The following HSD17B4 variants were observed in gnomAD, a reference collection of about 807,000 sequenced individuals.
HSD17B4 encodes hydroxysteroid 17-beta dehydrogenase 4.
HSD17B4 carries 70 observed loss-of-function variants against 101.0 expected under a neutral mutation model. That is an observed-to-expected ratio of 0.69 (90% CI 0.57 to 0.85). HSD17B4 has a LOEUF of 0.85. Among genes scored for constraint, HSD17B4 ranks in the 40% least tolerant of loss-of-function variants. The pLI is 0.00. For synonymous variants in HSD17B4, 347 were observed against 297.1 expected (o/e 1.17, Z -1.73); for missense variants, 984 against 892.4 (o/e 1.10, Z -1.31).
At chr5:119,521,305 C>T (rs1001583615) in intron 17 of HSD17B4, among the ~76,000 whole-genome samples, 17 of 152,162 alleles carry the variant, frequency 1.1e-4, no homozygotes, top group Non-Finnish European at 2.4e-4. Flanking sequence ...CTGAGGCCCT[C>T]AAGATTATTT....
chr5:119,531,240 A>T (rs766517754), intron 21 of HSD17B4, 26 bp from the exon 22 acceptor site: 1 of 1,611,460 alleles, frequency 6.2e-7, no homozygotes. Flanking sequence ...CAGAACTTTT[A>T]AAGTTTATTT....
chr5:119,517,208 C>T (rs1260750648), intron 17 of HSD17B4, among the ~76,000 whole-genome samples: 3 of 152,196 alleles, frequency 2.0e-5, no homozygotes, highest in Admixed American at 6.5e-5. Context: ...AGCAGCTGGC[C>T]GGCCCTGCTG....
chr5:119,491,210 T>C (rs886267584), intron 9 of HSD17B4, among the ~76,000 whole-genome samples: 1 of 152,178 alleles, frequency 6.6e-6, no homozygotes, highest in African/African-American at 2.4e-5. Flanking sequence ...TTGCCTGTTA[T>C]CAAAACCACT....
chr5:119,511,643 G>T (rs139509423), intron 16 of HSD17B4, among the ~76,000 whole-genome samples: 16 of 151,992 alleles, frequency 1.1e-4, no homozygotes, highest in African/African-American at 3.9e-4. Context: ...CAGTGTCATC[G>T]TAGGGTGACT....
chr5:119,457,965 A>G (rs1754838566), intron 2 of HSD17B4, among the ~76,000 whole-genome samples: 1 of 152,324 alleles, frequency 6.6e-6, no homozygotes, highest in East Asian at 1.9e-4. Context: ...ATTTTATAAC[A>G]GTGTGTTCCT....
intron 19 of HSD17B4, among the ~76,000 whole-genome samples, chr5:119,526,303 C>T (rs1380320730): frequency 2.5e-5 from 2 of 80,710 alleles, no homozygotes; most frequent in South Asian, 3.8e-4. Flanking sequence ...TATATCAGTA[C>T]GTATGCCTTG....
At chr5:119,455,950 A>G (rs13361193) in intron 1 of HSD17B4, among the ~76,000 whole-genome samples, 8,766 of 152,132 alleles carry the variant, frequency 0.058, 742 homozygotes, top group East Asian at 0.42. Flanking sequence ...GGAACTTTCA[A>G]GAAAACTAGC....
At chr5:119,504,146 A>G (rs1220695004) in intron 14 of HSD17B4, among the ~76,000 whole-genome samples, 1 of 152,144 alleles carries the variant, frequency 6.6e-6, no homozygotes, top group Non-Finnish European at 1.5e-5. Flanking sequence ...ATTCCATGGT[A>G]TATATGTACC....
At chr5:119,519,135 C>G (rs1752896348) in intron 17 of HSD17B4, among the ~76,000 whole-genome samples, 1 of 152,136 alleles carries the variant, frequency 6.6e-6, no homozygotes, top group Non-Finnish European at 1.5e-5. Context: ...AAGACCCTGT[C>G]TCAAAACAAA....
intron 17 of HSD17B4, among the ~76,000 whole-genome samples, chr5:119,517,705 T>C (rs1047898935): frequency 4.6e-5 from 7 of 152,176 alleles, no homozygotes; most frequent in African/African-American, 1.7e-4. Flanking sequence ...AATGCACCAG[T>C]GGACACTCTG....
In HSD17B4 at chr5:119,461,956, G is replaced by A. The variant is rs184102642; in HGVS notation, c.112+5588G>A. On this transcript the variant is annotated intron_variant, in intron 2 of 23. Transcript: ENST00000510025. Reference sequence around the variant, plus strand: ...ACGTATTTGACAAAATTTTGGGAATGCTTTTTAGGAAAAATCTTCTGTAGT... The same window carrying A: ...ACGTATTTGACAAAATTTTGGGAATACTTTTTAGGAAAAATCTTCTGTAGT... Among the ~76,000 whole-genome samples, 39 of 152,172 alleles carry A rather than the reference G, an allele frequency of 2.6e-4. No individual in the cohort carries two copies. In the East Asian group the frequency reaches 2.7e-3, roughly 11 times the overall value.
chr5:119,525,114 T>C (rs1481814289), intron 17 of HSD17B4, 102 bp from the exon 18 acceptor site: 3 of 757,764 alleles, frequency 4.0e-6, no homozygotes, highest in Non-Finnish European at 7.1e-6. Flanking sequence ...AGGTACATTA[T>C]GATACAATGC....
At chr5:119,508,349 G>A (rs907765395) in intron 15 of HSD17B4, among the ~76,000 whole-genome samples, 1 of 152,152 alleles carries the variant, frequency 6.6e-6, no homozygotes, top group African/African-American at 2.4e-5. Context: ...TGTAGACAAA[G>A]TGAAATTGGT....
At chr5:119,539,085 A>G (rs973220720) in intron 23 of HSD17B4, among the ~76,000 whole-genome samples, 1 of 152,184 alleles carries the variant, frequency 6.6e-6, no homozygotes, top group African/African-American at 2.4e-5. Context: ...GTCAGACTCT[A>G]TAGTATATTT....
chr5:119,503,623 A>G (rs1322447581), intron 14 of HSD17B4, among the ~76,000 whole-genome samples: 1 of 152,132 alleles, frequency 6.6e-6, no homozygotes, highest in Non-Finnish European at 1.5e-5. Flanking sequence ...TGATAACAAC[A>G]TCTCTTAATG....
At chr5:119,518,983 A>T (rs115985037) in intron 17 of HSD17B4, among the ~76,000 whole-genome samples, 2,949 of 152,036 alleles carry the variant, frequency 0.019, 106 homozygotes, top group African/African-American at 0.067. Context: ...TAATAATAAT[A>T]AAAAAATTAG....
chr5:119,459,418 G>T (rs540370509), intron 2 of HSD17B4, among the ~76,000 whole-genome samples: 19 of 152,268 alleles, frequency 1.2e-4, no homozygotes, highest in African/African-American at 3.9e-4. Flanking sequence ...CAAAGTGAAG[G>T]TCTTGTTGAC....
Position 119,530,445 on chromosome 5 carries a change from C to T in HSD17B4, c.1854+465C>T, listed in dbSNP as rs565190103. Reference sequence around the variant, plus strand: ...TTTGATAAAAATGTTTATATTCTATCTCTGAAATATTAACTTTGTAATGTT... The same window carrying T: ...TTTGATAAAAATGTTTATATTCTATTTCTGAAATATTAACTTTGTAATGTT... On this transcript the variant is annotated intron_variant, in intron 21 of 23. Transcript: ENST00000510025. Among the ~76,000 whole-genome samples the T allele has an allele frequency of 5.3e-5, 8 of 151,948 alleles. 1 individual carries two copies. In the South Asian group the frequency reaches 1.5e-3, roughly 28 times the overall value.
chr5:119,469,079 G>GAT (rs1179855859), intron 2 of HSD17B4, among the ~76,000 whole-genome samples: 1 of 150,300 alleles, frequency 6.7e-6, no homozygotes, highest in African/African-American at 2.4e-5. Flanking sequence ...TTTTTTTAAT[G>GAT]ATATATATAT....
Sources: allele counts gnomAD v4.1 joint callset (sites outside exome capture counted in the v4.1 genomes callset), GRCh38; gene constraint gnomAD v4.1.1; transcripts MANE v1.5; gene names NCBI Gene and HGNC (gene_info 2026-07-23, HGNC 2026-07-21).